Variants in MCOLN2 observed in about 807,000 individuals in gnomAD.
MCOLN2 encodes the protein mucolipin-2.
MCOLN2 carries 57 observed loss-of-function variants against 67.5 expected under a neutral mutation model. The observed-to-expected ratio is 0.84, with a 90% CI of 0.68 to 1.05. MCOLN2 has a LOEUF of 1.05. Ranked by LOEUF, MCOLN2 falls within the 50% of genes least tolerant of loss-of-function variation. The probability of loss-of-function intolerance (pLI) is 0.00; values close to 1 mark genes in which losing one functional copy is unlikely to be tolerated. For synonymous variants in MCOLN2, 246 were observed against 233.3 expected, an observed-to-expected ratio of 1.05 and a Z score of -0.50; for missense variants, 620 against 678.8, an observed-to-expected ratio of 0.91 and a Z score of 0.96.
intron 11 of MCOLN2, among the ~76,000 whole-genome samples, chr1:84,936,719 C>T (rs1029410371): frequency 6.6e-6 from 1 of 152,120 alleles, no homozygotes; most frequent in African/African-American, 2.4e-5. Context: ...CCAGGTTACT[C>T]GACATTATTC....
chr1:84,938,090 A>G lies in MCOLN2; in HGVS notation c.1111-8T>C. ...ATCATAGTTTGTGAGATTCTAAGGA[A>G]TGAAAAAAAAGAAAGAGAGAAATGA... On this transcript the variant is annotated splice_region_variant and splice_polypyrimidine_tract_variant and intron_variant, in intron 9 of 13. Coordinates refer to ENST00000370608, the MANE Select transcript of MCOLN2 (RefSeq NM_153259.4). 3.8e-6 allele frequency: 6 copies of G among 1,592,360 alleles called. No homozygotes were observed. Among genetic ancestry groups the G allele is most frequent in the Non-Finnish European group, 5.1e-6 (6 of 1,165,252 alleles).
At position 84,930,088 on chromosome 1, in the gene MCOLN2, C is replaced by A. The variant is rs115987784; in HGVS notation, c.1543-409G>T. Among the ~76,000 whole-genome samples, 499 of 152,070 alleles carry A rather than the reference C, an allele frequency of 3.3e-3. 3 individuals carry two copies. The highest frequency in any genetic ancestry group is 0.011 in the African/African-American group (474 of 41,496). The stretch of plus-strand genomic sequence containing the variant: ...GACTGGCCTGGGCAAGATGGTGAGA[C>A]CCCATCTCTACAAAAAATACAAAAA... On this transcript the variant is annotated intron_variant, in intron 12 of 13. Transcript: ENST00000370608.
chr1:84,937,856 C>T lies in MCOLN2; in HGVS notation c.1234G>A (p.Ala412Thr). 1.2e-6 allele frequency: 2 copies of T among 1,614,100 alleles called. No homozygotes were observed. The highest frequency in any genetic ancestry group is 1.3e-5 in the African/African-American group (1 of 75,002). ...AYNVLILTMQ[A>T]SLPKVLRFCA... ...AACCGAAGAACTTTTGGCAGTGAGGCCTGCATTGTTAAAATCAGCACCTGA... is the reference window on the plus strand; with the variant it reads ...AACCGAAGAACTTTTGGCAGTGAGGTCTGCATTGTTAAAATCAGCACCTGA... The change falls in exon 11 of 14, where the codon GCC becomes ACC. Residue 412 changes from alanine to threonine, a missense_variant. Ala to Thr is a moderately conservative substitution (Grantham distance 58). Transcript: ENST00000370608.
intron 4 of MCOLN2, among the ~76,000 whole-genome samples, chr1:84,954,031 T>A (rs1270238295): frequency 1.3e-5 from 2 of 152,234 alleles, no homozygotes; most frequent in Admixed American, 6.5e-5. Context: ...ATTCCACAAC[T>A]GCAACTCTTC....
At position 84,940,115 on chromosome 1, in the gene MCOLN2, G is replaced by A. The variant is rs898568034; in HGVS notation, c.961-413C>T. 4.5e-4 allele frequency among the ~76,000 whole-genome samples: 68 copies of A among 151,994 alleles called. 2 individuals carry two copies. Among genetic ancestry groups the A allele is most frequent in the East Asian group, 1.9e-4 (1 of 5,148 alleles). ...TCCAGGCAGGCCGGCTCCAGAGTGC[G>A]TGCTCCAAATATGAGCCCCCTCACC... On this transcript the variant is annotated intron_variant, in intron 8 of 13. Transcript: ENST00000370608.
intron 2 of MCOLN2, among the ~76,000 whole-genome samples, chr1:84,961,420 C>T (rs1225626587): frequency 2.0e-5 from 3 of 152,158 alleles, no homozygotes; most frequent in Non-Finnish European, 4.4e-5. Context: ...ACCTTAAACT[C>T]AAAGCTCATC....
At chr1:84,928,602 C>G (rs778990012) in intron 13 of MCOLN2, among the ~76,000 whole-genome samples, 1 of 152,116 alleles carries the variant, frequency 6.6e-6, no homozygotes, top group Non-Finnish European at 1.5e-5. Context: ...TACAAGGTAC[C>G]TCTTAGGAGG....
intron 4 of MCOLN2, among the ~76,000 whole-genome samples, chr1:84,953,411 G>A (rs1026970163): frequency 1.2e-4 from 18 of 152,146 alleles, no homozygotes; most frequent in African/African-American, 3.6e-4. Flanking sequence ...TTAGCCGGGC[G>A]TGGTGGCGTG....
intron 11 of MCOLN2, among the ~76,000 whole-genome samples, chr1:84,932,460 A>T (rs1647227238): frequency 6.6e-6 from 1 of 152,088 alleles, no homozygotes; most frequent in Non-Finnish European, 1.5e-5. Context: ...TGATCCGCCC[A>T]CCTCAGCCTC....
chr1:84,961,534 C>A (rs1649087916), intron 2 of MCOLN2, among the ~76,000 whole-genome samples: 1 of 152,090 alleles, frequency 6.6e-6, no homozygotes, highest in Admixed American at 6.6e-5. Flanking sequence ...ATTCATAGAA[C>A]AAGCCAAGAT....
chr1:84,980,286 G>A (rs548140279), intron 1 of MCOLN2, among the ~76,000 whole-genome samples: 9 of 134,566 alleles, frequency 6.7e-5, no homozygotes, highest in African/African-American at 1.1e-4. Flanking sequence ...AAATATCCAC[G>A]ACATTCTTCA....
Position 84,965,633 on chromosome 1 carries a change from G to C in MCOLN2, c.153C>G (p.Ser51Arg). The C allele has an allele frequency of 6.2e-7, 1 of 1,613,940 alleles. No homozygotes were observed. The highest frequency in any genetic ancestry group is 1.1e-5 in the South Asian group (1 of 91,074). ...LREDLKFYFM[S>R]PCEKYRARRQ... ...GTCTGGCTCGGTATTTTTCACAAGG[G>C]CTCATGAAGTAAAACTTCAGGTCTT... is the stretch of plus-strand genomic sequence containing the variant. Residue 51 changes from serine to arginine, a missense_variant, in exon 2 of 14, where the codon AGC becomes AGG. Ser to Arg is a moderately radical substitution (Grantham distance 110). Coordinates refer to ENST00000370608, the MANE Select transcript of MCOLN2 (RefSeq NM_153259.4).
chr1:84,996,751 T>C (rs774088190), intron 1 of MCOLN2, 45 bp downstream of exon 1: 3 of 1,559,534 alleles, frequency 1.9e-6, no homozygotes, highest in Non-Finnish European at 2.7e-6. Context: ...TTTAGGAAGA[T>C]TTCTCCAGTC....
intron 1 of MCOLN2, among the ~76,000 whole-genome samples, chr1:84,980,817 C>A (rs1650217851): frequency 6.6e-6 from 1 of 152,046 alleles, no homozygotes; most frequent in African/African-American, 2.4e-5. Context: ...GGGACCAAAT[C>A]AAGTTTAAAA....
chr1:84,929,632 C>G lies in MCOLN2; in HGVS notation c.1590G>C (p.Leu530=). 1 of 1,613,778 alleles carries G rather than the reference C, an allele frequency of 6.2e-7. No homozygotes were observed. The highest frequency in any genetic ancestry group is 8.5e-7 in the Non-Finnish European group (1 of 1,179,790). The part of the protein sequence containing the change: ...GFPETDLQEF[L]KECSSKEEYQ... ...ACTCTTCTTTGCTACTGCATTCCTT[C>G]AGGAATTCCTGCAAATCCGTTTCAG... The change falls in exon 13 of 14, where the codon CTG becomes CTC. Residue 530 remains leucine (L), a synonymous_variant. Transcript: ENST00000370608.
chr1:84,980,063 C>T (rs11161496), intron 1 of MCOLN2, among the ~76,000 whole-genome samples: 77,248 of 151,908 alleles, frequency 0.51, 19,856 homozygotes, highest in Middle Eastern at 0.54. Flanking sequence ...TTAAAAAGTA[C>T]TCCCATTTAC....
At chr1:84,951,904 C>T (rs1351001711) in intron 6 of MCOLN2, among the ~76,000 whole-genome samples, 1 of 152,020 alleles carries the variant, frequency 6.6e-6, no homozygotes, top group South Asian at 2.1e-4. Context: ...AAAACCCTGT[C>T]TTGTCTTTAC....
In MCOLN2 at chr1:84,969,484, T is replaced by C. The variant is rs536257210; in HGVS notation, c.78-3776A>G. On this transcript the variant is annotated intron_variant, in intron 1 of 13. Coordinates refer to ENST00000370608, the MANE Select transcript of MCOLN2 (RefSeq NM_153259.4). ...TACTTCGGAGGCTGAGGCAAGAGAA[T>C]TGTTTGAACCTGGGAGGCAGAGGTT... 2.6e-5 allele frequency among the ~76,000 whole-genome samples: 4 copies of C among 151,748 alleles called. No homozygotes were observed. In the East Asian group the frequency reaches 7.8e-4, roughly 29 times the overall value.
intron 13 of MCOLN2, among the ~76,000 whole-genome samples, chr1:84,928,212 T>C (rs1164345824): frequency 6.6e-6 from 1 of 152,194 alleles, no homozygotes; most frequent in African/African-American, 2.4e-5. Flanking sequence ...TCCTAGTTCT[T>C]CAGTTGATCT....
Sources: gnomAD v4.1 joint callset for allele counts (sites outside exome capture counted in the v4.1 genomes callset) on GRCh38, gnomAD v4.1.1 for gene constraint, MANE v1.5 for transcripts, NCBI Gene and HGNC (gene_info 2026-07-23, HGNC 2026-07-21) for gene names.